Variants in KMT2D observed in about 807,000 individuals in gnomAD.
KMT2D encodes lysine methyltransferase 2D.
In KMT2D, 55 loss-of-function variants were observed where a neutral mutation model predicts 512.7. That is an observed-to-expected ratio of 0.11 (90% CI 0.09 to 0.13). KMT2D has a LOEUF of 0.13. Ranked by LOEUF, KMT2D falls within the 10% of genes least tolerant of loss-of-function variation. The pLI is 1.00. For synonymous variants in KMT2D, 2,995 were observed against 2,904.0 expected, an observed-to-expected ratio of 1.03 and a Z score of -1.01; for missense variants, 6,061 against 7,127.9, an observed-to-expected ratio of 0.85 and a Z score of 5.39.
chr12:49,023,461 G>A (rs1942426513), intron 51 of KMT2D, among the ~76,000 whole-genome samples: 1 of 152,204 alleles, frequency 6.6e-6, no homozygotes, highest in South Asian at 2.1e-4. Flanking sequence ...AGATGGCTCA[G>A]TGCAGGGGAA....
At chr12:49,057,909 C>T (rs1291793093) in intron 1 of KMT2D, among the ~76,000 whole-genome samples, 1 of 152,168 alleles carries the variant, frequency 6.6e-6, no homozygotes, top group Non-Finnish European at 1.5e-5. Context: ...CAGTCCTATA[C>T]CTAAGAGGTC....
rs1390609183 is a variant in KMT2D, at chr12:49,032,782, TCTGCTGCTGTTG to T, written c.11911_11922del (p.Gln3971_Gln3974del). 6.4e-6 allele frequency: 10 copies of T among 1,557,056 alleles called. No homozygotes were observed. The highest frequency in any genetic ancestry group is 2.4e-5 in the East Asian group (1 of 41,372). Reference sequence around the variant, plus strand: ...GTTCGACTCTGGTTTAAAAGGCCCATCTGCTGCTGTTGCTGCTGCTGTTGAAACTGCTGCTGT... The same window carrying T: ...GTTCGACTCTGGTTTAAAAGGCCCATCTGCTGCTGTTGAAACTGCTGCTGT... On this transcript the variant is annotated inframe_deletion, in exon 40 of 55. Coordinates refer to ENST00000301067, the MANE Select transcript of KMT2D (RefSeq NM_003482.4).
chr12:49,040,300 C>T lies in KMT2D; in HGVS notation c.7470G>A (p.Gly2490=), dbSNP rs760935477. 1 of 1,594,872 alleles carries T rather than the reference C, an allele frequency of 6.3e-7. No individual in the cohort carries two copies. Among genetic ancestry groups the T allele is most frequent in the Non-Finnish European group, 8.5e-7 (1 of 1,169,770 alleles). ...GCAGGGCTGCTGGGAACCCCCCAGC[C>T]CCCAGCGAAGTGTGGGCTAGAGACC... ...KAGSLAHTSL[G]AGGFPAALPA... is the part of the protein sequence containing the mutation. The change falls in exon 32 of 55, where the codon GGG becomes GGA. Residue 2490 remains glycine (G), a synonymous_variant. Coordinates refer to ENST00000301067, the MANE Select transcript of KMT2D (RefSeq NM_003482.4).
rs190995850 is a variant in KMT2D, at chr12:49,042,122, T to C, written c.6076A>G (p.Ile2026Val). Reference sequence around the variant, plus strand: ...TCTTGCTTGAGATTAGGAAAATTAATGTTGGCATAGAGCACAGGTGAGATG... The same window carrying C: ...TCTTGCTTGAGATTAGGAAAATTAACGTTGGCATAGAGCACAGGTGAGATG... ...STISPVLYAN[I>V]NFPNLKQDYP... Residue 2026 changes from isoleucine (I) to valine (V), a missense_variant, in exon 29 of 55, where the codon ATT becomes GTT. Around this residue, in one of 16 missense-constraint regions of KMT2D, gnomAD observed 640 missense variants for 814.3 expected, o/e 0.79. Coordinates refer to ENST00000301067, the MANE Select transcript of KMT2D (RefSeq NM_003482.4). The surrounding 1 kb of genome is among the most constrained non-coding windows in gnomAD (Gnocchi z 4.4). The C allele has an allele frequency of 6.8e-4, 1,092 of 1,613,738 alleles. 8 individuals are homozygous for C. The African/African-American group carries it at 0.013, about 20-fold the overall frequency.
At position 49,040,446 on chromosome 12, in the gene KMT2D, G is replaced by C. The variant is rs775065016; in HGVS notation, c.7324C>G (p.Pro2442Ala). Residue 2442 changes from proline (P) to alanine (A), a missense_variant, in exon 32 of 55, where the codon CCT becomes GCT. Coordinates refer to ENST00000301067, the MANE Select transcript of KMT2D (RefSeq NM_003482.4). ...TAAGGGTCAGGGGACTGGAAGCGAGGGGTAACGGGTGATGGGCAAAAAGCT... is the reference window on the plus strand; with the variant it reads ...TAAGGGTCAGGGGACTGGAAGCGAGCGGTAACGGGTGATGGGCAAAAAGCT... ...AEAFCPSPVT[P>A]RFQSPDPYSR... The C allele has an allele frequency of 6.4e-7, 1 of 1,558,064 alleles. No individual in the cohort carries two copies. The highest frequency in any genetic ancestry group is 8.7e-7 in the Non-Finnish European group (1 of 1,151,284).
At position 49,054,580 on chromosome 12, in the gene KMT2D, T is replaced by A. The variant is rs2120711113; in HGVS notation, c.348A>T (p.Ser116=). The part of the protein sequence containing the change: ...NEAVLPSEDL[S]QIGFPEGLTP... ...TAAGGCCCTCAGGGAAACCAATCTG[T>A]GATAGGTCCTCACTGGGCAGCACTG... The change falls in exon 4 of 55, where the codon TCA becomes TCT. Residue 116 remains serine (S), a synonymous_variant. Transcript: ENST00000301067. This position sits in a 1 kb window ranked among gnomAD's most constrained non-coding sequence, Gnocchi z 6.4. 1 of 1,613,170 alleles carries A rather than the reference T, an allele frequency of 6.2e-7. No individual in the cohort carries two copies. The highest frequency in any genetic ancestry group is 8.5e-7 in the Non-Finnish European group (1 of 1,179,514).
rs1301927959 is a variant in KMT2D at position 49,039,915 on chromosome 12, G to A, written c.7855C>T (p.Pro2619Ser). 2 of 1,614,050 alleles carry A rather than the reference G, an allele frequency of 1.2e-6. No individual in the cohort carries two copies. The highest frequency in any genetic ancestry group is 1.7e-6 in the Non-Finnish European group (2 of 1,179,900). Residue 2619 changes from proline to serine, a missense_variant, in exon 32 of 55, where the codon CCT becomes TCT. By Grantham distance (74) the Pro-to-Ser change is moderately conservative. This residue lies in a region of KMT2D where 527 missense variants were observed against 578.9 expected (regional missense o/e 0.91). Coordinates refer to ENST00000301067, the MANE Select transcript of KMT2D (RefSeq NM_003482.4). The surrounding 1 kb of genome is among the most constrained non-coding windows in gnomAD (Gnocchi z 5.0). ...TAGGGGAGGGATCCGTCGGGTGCAGGTGGTGGCAGAACCGACGGAGGGCGT... is the reference window on the plus strand; with the variant it reads ...TAGGGGAGGGATCCGTCGGGTGCAGATGGTGGCAGAACCGACGGAGGGCGT... The part of the protein sequence containing the change: ...PLRPPSVLPP[P>S]APDGSLPYLS...
At position 49,051,587 on chromosome 12, in the gene KMT2D, G is replaced by C. The variant is rs376210769; in HGVS notation, c.2096C>G (p.Ser699Cys). The C allele has an allele frequency of 1.0e-5, 16 of 1,597,286 alleles. No individual in the cohort carries two copies. In the African/African-American group the frequency reaches 1.9e-4, roughly 19 times the overall value. ...LSPPPEDSPT[S>C]PPPEDSPASP... ...AGCAGGTGAGTCCTCAGGTGGTGGG[G>C]ATGTGGGGGAGTCCTCAGGTGGTGG... Residue 699 changes from serine (S) to cysteine (C), a missense_variant, in exon 11 of 55, where the codon TCC becomes TGC. Around this residue, in one of 16 missense-constraint regions of KMT2D, gnomAD observed 848 missense variants for 838.5 expected, o/e 1.01. Transcript: ENST00000301067.
At position 49,044,670 on chromosome 12, in the gene KMT2D, G is replaced by T; in HGVS notation, c.4963+74C>A. Reference sequence around the variant, plus strand: ...TTAAGGGTAACTGAGTGGCAATGTAGCCCCCACCCAACATCCCACTCCCAG... The same window carrying T: ...TTAAGGGTAACTGAGTGGCAATGTATCCCCCACCCAACATCCCACTCCCAG... On this transcript the variant is annotated intron_variant, in intron 20 of 54. Coordinates refer to ENST00000301067, the MANE Select transcript of KMT2D (RefSeq NM_003482.4). This position sits in a 1 kb window ranked among gnomAD's most constrained non-coding sequence, Gnocchi z 6.4. 6.4e-7 allele frequency: 1 copy of T among 1,551,718 alleles called. No individual in the cohort carries two copies. Among genetic ancestry groups the T allele is most frequent in the Non-Finnish European group, 8.8e-7 (1 of 1,133,870 alleles).
Position 49,054,649 on chromosome 12 carries a change from C to G in KMT2D, c.279G>C (p.Arg93=), listed in dbSNP as rs756988459. Residue 93 remains arginine (R), a synonymous_variant, in exon 4 of 55, where the codon CGG becomes CGC. Coordinates refer to ENST00000301067, the MANE Select transcript of KMT2D (RefSeq NM_003482.4). The surrounding 1 kb of genome is among the most constrained non-coding windows in gnomAD (Gnocchi z 6.4). The stretch of plus-strand genomic sequence containing the variant: ...TCCCCCCAGGGGACACCACTGGACA[C>G]CGGGGCCAATCAAATGGCAACTCAA... ...RRFELPFDWP[R]CPVVSPGGSP... 6.2e-7 allele frequency: 1 copy of G among 1,612,888 alleles called. No individual in the cohort carries two copies. Among genetic ancestry groups the G allele is most frequent in the African/African-American group, 1.3e-5 (1 of 74,994 alleles).
rs1488495667 is a variant in KMT2D at position 49,030,391 on chromosome 12, G to A, written c.13888C>T (p.Pro4630Ser). The A allele has an allele frequency of 6.3e-7, 1 of 1,591,888 alleles. No individual in the cohort carries two copies. The highest frequency in any genetic ancestry group is 8.6e-7 in the Non-Finnish European group (1 of 1,167,078). The change falls in exon 43 of 55, where the codon CCA becomes TCA. Residue 4630 changes from proline (P) to serine (S), a missense_variant. Coordinates refer to ENST00000301067, the MANE Select transcript of KMT2D (RefSeq NM_003482.4). ...ATCTTCTGCTGCACCGATGGGGGTG[G>A]GGTGGGGGGCAGCGACGAGGGTGGT... ...PTPPSSLPPT[P>S]PPSVQQKMVN...
chr12:49,027,073 C>T lies in KMT2D; in HGVS notation c.14893G>A (p.Ala4965Thr), dbSNP rs200747934. ...TCTTCACCTTCTTCAGGGGGCCGGG[C>T]ACGGGGCTTGGGTCGGGCTGATTCA... ...SPESARPKPR[A>T]RPPEEGEDSR... The change falls in exon 49 of 55, where the codon GCC becomes ACC. Residue 4965 changes from alanine (A) to threonine (T), a missense_variant. Coordinates refer to ENST00000301067, the MANE Select transcript of KMT2D (RefSeq NM_003482.4). 6.5e-5 allele frequency: 105 copies of T among 1,613,298 alleles called. No individual in the cohort carries two copies. Among genetic ancestry groups the T allele is most frequent in the Admixed American group, 2.0e-4 (12 of 60,010 alleles).
chr12:49,051,314 G>T lies in KMT2D; in HGVS notation c.2369C>A (p.Pro790His), dbSNP rs1321690764. 1 of 1,588,444 alleles carries T rather than the reference G, an allele frequency of 6.3e-7. No homozygotes were observed. The highest frequency in any genetic ancestry group is 1.1e-5 in the South Asian group (1 of 88,488). The stretch of plus-strand genomic sequence containing the variant: ...GGACAGATGTGGTCCCTCAGCCTGG[G>T]GGGACAAGTGTGGCTCCTCAGGCAC... ...CAVPEEPHLS[P>H]QAEGPHLSPQ... The change falls in exon 11 of 55, where the codon CCC becomes CAC. Residue 790 changes from proline (P) to histidine (H), a missense_variant. This residue lies in a region of KMT2D where 848 missense variants were observed against 838.5 expected (regional missense o/e 1.01). Coordinates refer to ENST00000301067, the MANE Select transcript of KMT2D (RefSeq NM_003482.4).
Position 49,030,733 on chromosome 12 carries a change from G to A in KMT2D, c.13707C>T (p.Ile4569=), listed in dbSNP as rs1009316575. 3.1e-6 allele frequency: 5 copies of A among 1,613,706 alleles called. No homozygotes were observed. Among genetic ancestry groups the A allele is most frequent in the Non-Finnish European group, 4.2e-6 (5 of 1,179,894 alleles). Residue 4569 remains isoleucine (I), a synonymous_variant, in exon 42 of 55, where the codon ATC becomes ATT. Transcript: ENST00000301067. Reference sequence around the variant, plus strand: ...GGGCAAAGAGGCTAAAATTGGCGGTGATAGCAGGCTCCGTTAGGGGCAGCA... The same window carrying A: ...GGGCAAAGAGGCTAAAATTGGCGGTAATAGCAGGCTCCGTTAGGGGCAGCA... The part of the protein sequence containing the change: ...LSLLPLTEPA[I]TANFSLFAPF...
chr12:49,030,336 A>G lies in KMT2D; in HGVS notation c.13943T>C (p.Leu4648Pro). 1 of 1,597,132 alleles carries G rather than the reference A, an allele frequency of 6.3e-7. No homozygotes were observed. The highest frequency in any genetic ancestry group is 8.5e-7 in the Non-Finnish European group (1 of 1,171,730). The change falls in exon 43 of 55, where the codon CTG (leucine) becomes CCG (proline). Residue 4648 changes from leucine (L) to proline (P), a missense_variant. By Grantham distance (98) the Leu-to-Pro change is moderately conservative. This residue lies in a region of KMT2D where 1,600 missense variants were observed against 1,754.9 expected (regional missense o/e 0.91). Coordinates refer to ENST00000301067, the MANE Select transcript of KMT2D (RefSeq NM_003482.4). ...GGCAGCATCCTTGGGGTGCTCCCCCAGCTCTTCAGATGGGGTGACGCCATT... is the reference window on the plus strand; with the variant it reads ...GGCAGCATCCTTGGGGTGCTCCCCCGGCTCTTCAGATGGGGTGACGCCATT... ...MVNGVTPSEE[L>P]GEHPKDAASA...
Position 49,038,551 on chromosome 12 carries a change from T to G in KMT2D, c.8805A>C (p.Ser2935=), listed in dbSNP as rs773242877. Reference sequence around the variant, plus strand: ...TGTTCAATTCAGGGGCCGGTGGGGCTGAGGGTTTCTGTGGGGGAAGACCTG... The same window carrying G: ...TGTTCAATTCAGGGGCCGGTGGGGCGGAGGGTTTCTGTGGGGGAAGACCTG... The part of the protein sequence containing the change: ...AVSGLPPQKP[S]APPAPELNNS... Residue 2935 remains serine (S), a synonymous_variant, in exon 35 of 55, where the codon TCA becomes TCC. Transcript: ENST00000301067. The surrounding 1 kb of genome is among the most constrained non-coding windows in gnomAD (Gnocchi z 5.7). The G allele has an allele frequency of 6.2e-7, 1 of 1,612,056 alleles. No individual in the cohort carries two copies. The highest frequency in any genetic ancestry group is 1.7e-5 in the Admixed American group (1 of 60,002).
At position 49,051,332 on chromosome 12, in the gene KMT2D, T is replaced by C. The variant is rs1565817006; in HGVS notation, c.2351A>G (p.Glu784Gly). 1 of 1,595,670 alleles carries C rather than the reference T, an allele frequency of 6.3e-7. No homozygotes were observed. The change falls in exon 11 of 55, where the codon GAG becomes GGG. Residue 784 changes from glutamate to glycine, a missense_variant. Physicochemically the swap from Glu to Gly is moderately conservative, Grantham distance 98. Coordinates refer to ENST00000301067, the MANE Select transcript of KMT2D (RefSeq NM_003482.4). ...AGCCTGGGGGGACAAGTGTGGCTCCTCAGGCACAGCGCATAGGCATGGCTC... is the reference window on the plus strand; with the variant it reads ...AGCCTGGGGGGACAAGTGTGGCTCCCCAGGCACAGCGCATAGGCATGGCTC... ...PEEPCLCAVPEEPHLSPQAEG... is the reference protein window; with the variant it reads ...PEEPCLCAVPGEPHLSPQAEG...
At chr12:49,052,788 G>A (rs1174897617) in intron 9 of KMT2D, 79 bp from the exon 10 acceptor site, 12 of 1,582,562 alleles carry the variant, frequency 7.6e-6, no homozygotes, top group Non-Finnish European at 1.0e-5. Flanking sequence ...GGGGAGGCAC[G>A]AATGCTGTGG....
intron 9 of KMT2D, 64 bp from the exon 10 acceptor site, chr12:49,052,773 A>C: frequency 6.3e-7 from 1 of 1,593,250 alleles, no homozygotes; most frequent in South Asian, 1.1e-5. Context: ...TAGAGAGCAC[A>C]CTGGGGGGAG....
Sources: gnomAD v4.1 joint callset for allele counts (sites outside exome capture counted in the v4.1 genomes callset) on GRCh38, gnomAD v4.1.1 for gene constraint, gnomAD v4.1.1 regional missense constraint, Gnocchi (gnomAD v3.1) non-coding constraint, MANE v1.5 for transcripts, NCBI Gene and HGNC (gene_info 2026-07-23, HGNC 2026-07-21) for gene names.